TMC7: variants seen among roughly 807,000 people sequenced by gnomAD.
TMC7 encodes the protein transmembrane channel-like protein 7.
A neutral mutation model predicts 82.9 loss-of-function variants in TMC7; 54 were observed. The observed-to-expected ratio is 0.65, with a 90% CI of 0.52 to 0.82. The LOEUF (loss-of-function observed/expected upper bound fraction) is 0.82. Ranked by LOEUF, TMC7 falls within the 40% of genes least tolerant of loss-of-function variation. The pLI is 0.00. For missense variants in TMC7, 820 were observed against 901.2 expected, an observed-to-expected ratio of 0.91 and a Z score of 1.15; for synonymous variants, 350 against 337.9, an observed-to-expected ratio of 1.04 and a Z score of -0.39.
In TMC7 at chr16:19,054,904, C is replaced by T. The variant is rs190008295; in HGVS notation, c.1872-1638C>T. 1.7e-3 allele frequency among the ~76,000 whole-genome samples: 266 copies of T among 152,010 alleles called. 1 individual carries two copies. The highest frequency in any genetic ancestry group is 6.2e-3 in the African/African-American group (257 of 41,490). ...GGATTACAGGCACGTGCTGCCACTACGCCTGGCTAATTTTTGTATTTTTAG... is the reference window on the plus strand; with the variant it reads ...GGATTACAGGCACGTGCTGCCACTATGCCTGGCTAATTTTTGTATTTTTAG... On this transcript the variant is annotated intron_variant, in intron 13 of 15. Transcript: ENST00000304381.
intron 6 of TMC7, chr16:19,033,414 G>C (rs1314314902): frequency 1.3e-5 from 2 of 152,160 alleles, no homozygotes; most frequent in Non-Finnish European, 1.5e-5. Flanking sequence ...AGGCCCGGTG[G>C]CTCACACCTG....
chr16:19,051,659 A>G (rs1226677884), intron 12 of TMC7, 27 bp from the exon 13 acceptor site: 1 of 1,611,306 alleles, frequency 6.2e-7, no homozygotes, highest in South Asian at 1.1e-5. Context: ...TATTGATCTT[A>G]ATTTTTCTTT....
intron 6 of TMC7, among the ~76,000 whole-genome samples, chr16:19,035,014 G>C (rs116628607): frequency 6.6e-6 from 1 of 152,214 alleles, no homozygotes; most frequent in African/African-American, 2.4e-5. Flanking sequence ...GCAAAGAAAC[G>C]GAATCAACCT....
At chr16:18,986,962 G>T (rs1282138909) in intron 1 of TMC7, among the ~76,000 whole-genome samples, 1 of 151,880 alleles carries the variant, frequency 6.6e-6, no homozygotes. Flanking sequence ...CCGCCACCAC[G>T]CCTGGCTAAT....
At chr16:19,008,294 T>G (rs1488226882) in intron 1 of TMC7, among the ~76,000 whole-genome samples, 1 of 152,200 alleles carries the variant, frequency 6.6e-6, no homozygotes, top group African/African-American at 2.4e-5. Context: ...CAGCAAAGCT[T>G]GGCTTCTAGC....
At chr16:19,030,836 G>T (rs1960484204) in intron 6 of TMC7, among the ~76,000 whole-genome samples, 2 of 152,052 alleles carry the variant, frequency 1.3e-5, no homozygotes, top group Admixed American at 1.3e-4. Context: ...GCCTCCCAAA[G>T]TTCTGGGATT....
At chr16:19,040,780 G>A (rs1960974110) in intron 9 of TMC7, among the ~76,000 whole-genome samples, 1 of 152,116 alleles carries the variant, frequency 6.6e-6, no homozygotes, top group Non-Finnish European at 1.5e-5. Flanking sequence ...GAGTGGAGAG[G>A]ACCAGGTGGG....
chr16:19,053,506 C>T (rs1025211927), intron 13 of TMC7, among the ~76,000 whole-genome samples: 3 of 151,980 alleles, frequency 2.0e-5, no homozygotes, highest in Non-Finnish European at 2.9e-5. Flanking sequence ...CAGGTTCAAG[C>T]GATTCTCCTG....
chr16:19,002,046 G>A (rs1448526197), intron 1 of TMC7, among the ~76,000 whole-genome samples: 2 of 152,094 alleles, frequency 1.3e-5, no homozygotes, highest in Non-Finnish European at 2.9e-5. Context: ...GGGGAAGCTG[G>A]TGGTGGTTTT....
intron 7 of TMC7, 25 bp downstream of exon 7, chr16:19,035,848 G>C (rs368823380): frequency 1.3e-6 from 2 of 1,546,578 alleles, no homozygotes; most frequent in East Asian, 4.5e-5. Context: ...GTTTGTCCGT[G>C]GTGGGGTCCT....
At chr16:19,041,008 A>G (rs1960987964) in intron 9 of TMC7, among the ~76,000 whole-genome samples, 1 of 150,298 alleles carries the variant, frequency 6.7e-6, no homozygotes, top group Non-Finnish European at 1.5e-5. Context: ...CTCCCACCTC[A>G]GCCTCCCACA....
At chr16:18,992,200 T>A (rs1202968241) in intron 1 of TMC7, among the ~76,000 whole-genome samples, 1 of 152,238 alleles carries the variant, frequency 6.6e-6, no homozygotes, top group Non-Finnish European at 1.5e-5. Flanking sequence ...TGAACCAGTT[T>A]ACAGTCCCAC....
rs144562384 is a variant in TMC7, at chr16:19,040,420, C to T, written c.1311C>T (p.Gly437=). Residue 437 remains glycine (G), a synonymous_variant, in exon 9 of 16, where the codon GGC becomes GGT. Coordinates refer to ENST00000304381, the MANE Select transcript of TMC7 (RefSeq NM_024847.4). ...TCCGCTATGAGGATTATTCTCCAGG[C>T]TTTGAGATCCGTCTGACAATCCTTA... is the stretch of plus-strand genomic sequence containing the variant. ...KIIRYEDYSP[G]FEIRLTILRC... 92 of 1,612,530 alleles carry T rather than the reference C, an allele frequency of 5.7e-5. No individual in the cohort carries two copies. In the African/African-American group the frequency reaches 1.1e-3, roughly 19 times the overall value.
At position 19,051,782 on chromosome 16, in the gene TMC7, T is replaced by C; in HGVS notation, c.1837T>C (p.Leu613=). 6.2e-7 allele frequency: 1 copy of C among 1,614,186 alleles called. No individual in the cohort carries two copies. The highest frequency in any genetic ancestry group is 8.5e-7 in the Non-Finnish European group (1 of 1,180,034). Residue 613 remains leucine (L), a synonymous_variant, in exon 13 of 16, where the codon TTG becomes CTG. Transcript: ENST00000304381. ...FLLVLLIGLC[L]AIIPLTISIS... ...GTTGGTGTTGTTGATCGGGCTGTGT[T>C]TGGCAATAATACCTCTGACAATCAG... is the stretch of plus-strand genomic sequence containing the variant.
intron 3 of TMC7, among the ~76,000 whole-genome samples, chr16:19,017,556 A>C (rs906899006): frequency 6.6e-6 from 1 of 151,806 alleles, no homozygotes; most frequent in African/African-American, 2.4e-5. Flanking sequence ...GTGGTGGTTC[A>C]TGCCTGTAAT....
intron 13 of TMC7, among the ~76,000 whole-genome samples, 171 bp downstream of exon 13, chr16:19,051,987 C>T (rs1183085774): frequency 6.6e-6 from 1 of 151,936 alleles, no homozygotes; most frequent in African/African-American, 2.4e-5. Flanking sequence ...CTCCGTCTCC[C>T]AGGTTCAAAT....
chr16:19,023,971 A>G (rs1009006824), intron 5 of TMC7, among the ~76,000 whole-genome samples: 11 of 152,214 alleles, frequency 7.2e-5, no homozygotes, highest in African/African-American at 2.2e-4. Flanking sequence ...TTCAGATGAT[A>G]TGCACATATA....
chr16:19,051,583 T>C (rs887684077), intron 12 of TMC7, 103 bp from the exon 13 acceptor site: 1 of 1,375,206 alleles, frequency 7.3e-7, no homozygotes, highest in African/African-American at 1.4e-5. Context: ...TCTGGAAAGG[T>C]TAGAGTGATT....
intron 1 of TMC7, among the ~76,000 whole-genome samples, chr16:19,004,899 T>C (rs1036695862): frequency 6.6e-6 from 1 of 151,476 alleles, no homozygotes; most frequent in Non-Finnish European, 1.5e-5. Context: ...ATTGGAGTCT[T>C]GTTATGTTGA....
Sources: gnomAD v4.1 joint callset for allele counts (sites outside exome capture counted in the v4.1 genomes callset) on GRCh38, gnomAD v4.1.1 for gene constraint, MANE v1.5 for transcripts, NCBI Gene and HGNC (gene_info 2026-07-23, HGNC 2026-07-21) for gene names.